Variants in PDLIM7 observed in about 807,000 individuals in gnomAD.
The protein encoded by PDLIM7 is PDZ and LIM domain protein 7.
A neutral mutation model predicts 53.9 loss-of-function variants in PDLIM7; 37 were observed. The observed-to-expected ratio is 0.69, with a 90% CI of 0.53 to 0.90. PDLIM7 has a LOEUF of 0.90. Among genes scored for constraint, PDLIM7 ranks in the 40% least tolerant of loss-of-function variants. The pLI is 0.00. For missense variants in PDLIM7, 617 were observed against 638.5 expected, an observed-to-expected ratio of 0.97 and a Z score of 0.36; for synonymous variants, 300 against 261.3, an observed-to-expected ratio of 1.15 and a Z score of -1.43.
At chr5:177,496,312 C>T (rs1037653402) in intron 2 of PDLIM7, 105 bp downstream of exon 2, 3 of 783,810 alleles carry the variant, frequency 3.8e-6, no homozygotes, top group Non-Finnish European at 5.8e-6. Context: ...ATCTCCTGGC[C>T]TGCTGGCCCC....
At chr5:177,491,459 A>C in intron 5 of PDLIM7, 1 of 1,483,608 alleles carries the variant, frequency 6.7e-7, no homozygotes, top group Non-Finnish European at 9.2e-7. Context: ...ATAAAGGGAC[A>C]AAGGGACAGA....
At chr5:177,490,407 A>C in intron 7 of PDLIM7, 1 of 1,496,312 alleles carries the variant, frequency 6.7e-7, no homozygotes, top group Non-Finnish European at 8.9e-7. Flanking sequence ...GGGGTGAGGT[A>C]GGCAGAAGCT....
At chr5:177,490,213 A>G in intron 7 of PDLIM7, 1 of 1,445,048 alleles carries the variant, frequency 6.9e-7, no homozygotes, top group Non-Finnish European at 9.1e-7. Flanking sequence ...AATGCAAACC[A>G]GGTCCACAAA....
intron 2 of PDLIM7, 74 bp downstream of exon 2, chr5:177,496,343 T>C: frequency 2.6e-6 from 3 of 1,140,810 alleles, no homozygotes; most frequent in Non-Finnish European, 3.6e-6. Flanking sequence ...CTGTTAGGAC[T>C]CCCCCCATCA....
chr5:177,489,243 G>A lies in PDLIM7; in HGVS notation c.869+150C>T. The A allele has an allele frequency of 1.4e-5, 9 of 649,518 alleles. No homozygotes were observed. The South Asian group carries it at 1.6e-4, about 12-fold the overall frequency. 40.2% of individuals were successfully genotyped at this position (649,518 alleles called of 1,614,324 possible). A position where few individuals can be genotyped will look rare whatever the true frequency, so the allele number is the denominator to read the frequency against. On this transcript the variant is annotated intron_variant, in intron 9 of 12. Transcript: ENST00000355841. ...GTAGGTAGCGTGGGATTAAGAATGGGAGGACCCAGCCCAGGTCCCTACTCC... is the reference window on the plus strand; with the variant it reads ...GTAGGTAGCGTGGGATTAAGAATGGAAGGACCCAGCCCAGGTCCCTACTCC...
At chr5:177,485,329 G>A (rs570979952) in intron 10 of PDLIM7, among the ~76,000 whole-genome samples, 1 of 152,226 alleles carries the variant, frequency 6.6e-6, no homozygotes, top group Admixed American at 6.5e-5. Flanking sequence ...CCTGGGCTGG[G>A]CTGTTCATCC....
intron 7 of PDLIM7, chr5:177,490,446 G>A: frequency 2.0e-6 from 3 of 1,535,578 alleles, no homozygotes; most frequent in South Asian, 1.2e-5. Flanking sequence ...CCCTGGGCAG[G>A]AGGAACAGAA....
intron 9 of PDLIM7, 47 bp from the exon 10 acceptor site, chr5:177,488,295 G>T (rs1362976542): frequency 7.9e-6 from 12 of 1,517,828 alleles, no homozygotes; most frequent in Non-Finnish European, 1.1e-5. Flanking sequence ...CAGAGAGGTG[G>T]GGGTCTTGGC....
intron 5 of PDLIM7, chr5:177,491,498 G>A (rs1293717973): frequency 1.4e-5 from 17 of 1,175,346 alleles, no homozygotes; most frequent in Non-Finnish European, 2.1e-5. Flanking sequence ...ACGGGGAGGG[G>A]TCAGAACAGC....
In PDLIM7 at chr5:177,489,521, G is replaced by A; in HGVS notation, c.741C>T (p.Ser247=). The A allele has an allele frequency of 6.2e-7, 1 of 1,609,282 alleles. No homozygotes were observed. ...DKTSTVLTRH[S]QPATPTPLQS... ...GCAGCGGCGTGGGCGTGGCCGGCTG[G>A]CTGTGCCGGGTCAGCACTGTGCTCG... Residue 247 remains serine, a synonymous_variant, in exon 9 of 13, where the codon AGC becomes AGT. Coordinates refer to ENST00000355841, the MANE Select transcript of PDLIM7 (RefSeq NM_005451.5).
chr5:177,486,778 A>ACAAGCACC (rs777780851), intron 10 of PDLIM7, among the ~76,000 whole-genome samples: 1 of 151,056 alleles, frequency 6.6e-6, no homozygotes, highest in African/African-American at 2.4e-5. Context: ...AGCTGGGACT[A>ACAAGCACC]CTCCACCATG....
intron 2 of PDLIM7, 174 bp from the exon 3 acceptor site, chr5:177,492,851 C>A: frequency 3.2e-6 from 2 of 632,648 alleles, no homozygotes; most frequent in Non-Finnish European, 5.5e-6. Context: ...GAGGTGGTGG[C>A]GCTCACCTGA....
intron 2 of PDLIM7, among the ~76,000 whole-genome samples, chr5:177,495,306 G>C (rs1759012846): frequency 6.6e-6 from 1 of 152,224 alleles, no homozygotes; most frequent in South Asian, 2.1e-4. Context: ...AGCTCCTACA[G>C]ACAGACTCCA....
At chr5:177,485,457 C>G (rs1259119143) in intron 10 of PDLIM7, among the ~76,000 whole-genome samples, 1 of 152,198 alleles carries the variant, frequency 6.6e-6, no homozygotes, top group Admixed American at 6.5e-5. Context: ...GTGGGTCTGG[C>G]CAGACCTTGA....
chr5:177,490,510 TTGAGCACGTGGGCAGA>T, intron 7 of PDLIM7: 1 of 1,560,818 alleles, frequency 6.4e-7, no homozygotes, highest in Non-Finnish European at 8.7e-7. Context: ...CGACTGCACG[TTGAGCACGTGGGCAGA>T]GCGCTGGTGG....
In PDLIM7 at chr5:177,483,562, C is replaced by A; in HGVS notation, c.*82G>T. 1 of 1,073,734 alleles carries A rather than the reference C, an allele frequency of 9.3e-7. No individual in the cohort carries two copies. Among genetic ancestry groups the A allele is most frequent in the East Asian group, 2.5e-5 (1 of 40,048 alleles). 66.5% of individuals were successfully genotyped at this position (1,073,734 alleles called of 1,614,324 possible). A position where few individuals can be genotyped will look rare whatever the true frequency, so the allele number is the denominator to read the frequency against. On this transcript the variant is annotated 3_prime_UTR_variant, in exon 13 of 13. Coordinates refer to ENST00000355841, the MANE Select transcript of PDLIM7 (RefSeq NM_005451.5). ...GGAGCCAGGGTTAAGGCAACCATTG[C>A]CAGCCCTACCCAGAAATGCAGGGCC...
At chr5:177,489,856 C>T (rs1758656243) in intron 7 of PDLIM7, 24 bp from the exon 8 acceptor site, 1 of 1,572,922 alleles carries the variant, frequency 6.4e-7, no homozygotes, top group Non-Finnish European at 8.6e-7. Context: ...CATTCAAGGC[C>T]CTGCATGGCT....
intron 5 of PDLIM7, chr5:177,491,448 G>C (rs897327328): frequency 1.3e-6 from 2 of 1,530,310 alleles, no homozygotes; most frequent in East Asian, 2.4e-5. Context: ...CAGACAGACA[G>C]ATAAAGGGAC....
chr5:177,491,954 G>A (rs1346776494), intron 4 of PDLIM7, 29 bp from the exon 5 acceptor site: 1 of 866,910 alleles, frequency 1.2e-6, no homozygotes. Context: ...GGGCAGGGCG[G>A]GCGGGCAGGG....
Sources: gnomAD v4.1 joint callset for allele counts (sites outside exome capture counted in the v4.1 genomes callset) on GRCh38, gnomAD v4.1.1 for gene constraint, MANE v1.5 for transcripts, NCBI Gene and HGNC (gene_info 2026-07-23, HGNC 2026-07-21) for gene names.